GABRB3: variants seen among roughly 807,000 people sequenced by gnomAD.
The protein encoded by GABRB3 is gamma-aminobutyric acid type A receptor subunit beta3.
GABRB3 carries 14 observed loss-of-function variants against 52.1 expected under a neutral mutation model. The ratio of observed to expected loss-of-function variants is 0.27; its 90% CI spans 0.18 to 0.42. The LOEUF (loss-of-function observed/expected upper bound fraction) is 0.42. Ranked by LOEUF, GABRB3 falls within the 10% of genes least tolerant of loss-of-function variation. GABRB3 has a pLI of 1.00. For missense variants in GABRB3, 307 were observed against 609.1 expected, an observed-to-expected ratio of 0.50 and a Z score of 5.22; for synonymous variants, 260 against 232.3, an observed-to-expected ratio of 1.12 and a Z score of -1.08.
chr15:26,701,031 G>A (rs1397078477), intron 3 of GABRB3, among the ~76,000 whole-genome samples: 1 of 151,192 alleles, frequency 6.6e-6, no homozygotes, highest in Non-Finnish European at 1.5e-5. Flanking sequence ...CTCCAGCCTG[G>A]GAGACAGAGC....
rs556911439 is a variant in GABRB3 at position 26,595,471 on chromosome 15, CTTT to C, written c.462-12060_462-12058del. Among the ~76,000 whole-genome samples, 807 of 152,216 alleles carry C rather than the reference CTTT, an allele frequency of 5.3e-3. 5 individuals are homozygous for C. Among genetic ancestry groups the C allele is most frequent in the African/African-American group, 0.018 (753 of 41,532 alleles). On this transcript the variant is annotated intron_variant, in intron 4 of 8. Transcript: ENST00000311550. ...AACTTTCCTATTGTTTTTAATATAG[CTTT>C]TTTCTTGATTGGGCATTTGACTGGT...
intron 8 of GABRB3, among the ~76,000 whole-genome samples, chr15:26,549,152 AAC>A (rs575778421): frequency 6.6e-6 from 1 of 152,146 alleles, no homozygotes; most frequent in Non-Finnish European, 1.5e-5. Context: ...TCTTTCACAA[AAC>A]ACAGTTATTT....
chr15:26,770,339 G>C (rs561958469), intron 3 of GABRB3, among the ~76,000 whole-genome samples: 1 of 152,244 alleles, frequency 6.6e-6, no homozygotes, highest in African/African-American at 2.4e-5. Flanking sequence ...ATGCGTACAA[G>C]TATATTTTGG....
chr15:26,730,440 G>T (rs1053747949), intron 3 of GABRB3, among the ~76,000 whole-genome samples: 6 of 109,210 alleles, frequency 5.5e-5, no homozygotes, highest in East Asian at 5.8e-4. Flanking sequence ...AAAAAAAAAA[G>T]ACTTACAGGA....
At chr15:26,625,565 A>C (rs1357723857) in intron 3 of GABRB3, 1 of 864,208 alleles carries the variant, frequency 1.2e-6, no homozygotes, top group Non-Finnish European at 1.4e-6. Flanking sequence ...TTGAGACTTT[A>C]AAAGCTCCAA....
chr15:26,763,289 C>CAAG (rs1890870490), intron 3 of GABRB3, among the ~76,000 whole-genome samples: 2 of 152,098 alleles, frequency 1.3e-5, no homozygotes, highest in South Asian at 4.1e-4. Context: ...TCACAGGGAT[C>CAAG]TTCATGTTTA....
intron 3 of GABRB3, among the ~76,000 whole-genome samples, chr15:26,740,139 C>T (rs1336448361): frequency 6.6e-6 from 1 of 152,134 alleles, no homozygotes; most frequent in Non-Finnish European, 1.5e-5. Flanking sequence ...CTTGAGATCC[C>T]CCCACCATCC....
chr15:26,710,821 A>G (rs563952394), intron 3 of GABRB3, among the ~76,000 whole-genome samples: 1 of 151,888 alleles, frequency 6.6e-6, no homozygotes, highest in African/African-American at 2.4e-5. Context: ...TATATACTGG[A>G]CAGATATGTA....
In GABRB3 at chr15:26,773,017, G is replaced by T. The variant is rs576071277; in HGVS notation, c.-55C>A. 4 of 1,239,408 alleles carry T rather than the reference G, an allele frequency of 3.2e-6. No individual in the cohort carries two copies. In the East Asian group the frequency reaches 1.7e-4, roughly 53 times the overall value. The allele number at this position is 1,239,408 out of a possible 1,614,324, so 76.8% of individuals were successfully genotyped here. On this transcript the variant is annotated 5_prime_UTR_variant, in exon 1 of 9. Transcript: ENST00000311550. ...GGGCGCCCCGCCGCCGTCGCGACCC[G>T]CAGCCGGGGCTGCTCCTGCTGCTGC...
Position 26,760,809 on chromosome 15 carries a change from G to GCACACACACACACACACACA in GABRB3, c.240+11592_240+11593insTGTGTGTGTGTGTGTGTGTG, listed in dbSNP as rs10522762. Among the ~76,000 whole-genome samples, 750 of 149,380 alleles carry GCACACACACACACACACACA rather than the reference G, an allele frequency of 5.0e-3. 3 individuals carry two copies. The highest frequency in any genetic ancestry group is 0.02 in the South Asian group (92 of 4,690). The stretch of plus-strand genomic sequence containing the variant: ...AATGCCAACACACACACACGCGCAC[G>GCACACACACACACACACACA]CACACACACACACACACAAGCAAAC... On this transcript the variant is annotated intron_variant, in intron 3 of 8. Transcript: ENST00000311550.
chr15:26,626,254 C>T (rs1044161597), intron 3 of GABRB3, among the ~76,000 whole-genome samples: 1 of 152,138 alleles, frequency 6.6e-6, no homozygotes, highest in Non-Finnish European at 1.5e-5. Flanking sequence ...GTTGTGTGTC[C>T]TCTGACTGAT....
rs548775630 is a variant in GABRB3, at chr15:26,773,040, T to TGCC, written c.-81_-79dup. On this transcript the variant is annotated 5_prime_UTR_variant, in exon 1 of 9. Transcript: ENST00000311550. Reference sequence around the variant, plus strand: ...CCGCAGCCGGGGCTGCTCCTGCTGCTGCCGCCGCCGCCGCCGCCGCCGCGC... The same window carrying TGCC: ...CCGCAGCCGGGGCTGCTCCTGCTGCTGCCGCCGCCGCCGCCGCCGCCGCCGCGC... 1.7e-5 allele frequency: 17 copies of TGCC among 1,004,250 alleles called. No homozygotes were observed. The highest frequency in any genetic ancestry group is 1.6e-4 in the Admixed American group (3 of 18,244). 62.2% of individuals were successfully genotyped at this position (1,004,250 alleles called of 1,614,324 possible).
chr15:26,571,035 A>G (rs1163073225), intron 6 of GABRB3, among the ~76,000 whole-genome samples: 3 of 152,186 alleles, frequency 2.0e-5, no homozygotes. Context: ...GTTGAGCTTA[A>G]TACACAAAAG....
At chr15:26,664,700 C>CTTTT in intron 3 of GABRB3, among the ~76,000 whole-genome samples, 1 of 92,784 alleles carries the variant, frequency 1.1e-5, no homozygotes, top group Admixed American at 1.2e-4. Context: ...CTTTTCTTTT[C>CTTTT]TTTGTTTTTT....
At chr15:26,586,397 A>AACTAACACACACACACACACAC (rs1890985765) in intron 4 of GABRB3, among the ~76,000 whole-genome samples, 1 of 138,014 alleles carries the variant, frequency 7.2e-6, no homozygotes, top group African/African-American at 2.7e-5. Context: ...AACCACCCCT[A>AACTAACACACACACACACACAC]ACACACACAC....
At chr15:26,576,038 C>T (rs1567121708) in intron 6 of GABRB3, among the ~76,000 whole-genome samples, 1 of 152,174 alleles carries the variant, frequency 6.6e-6, no homozygotes, top group Non-Finnish European at 1.5e-5. Flanking sequence ...TGCTGGTGAG[C>T]GGGACACATT....
At chr15:26,649,606 G>A (rs1191415561) in intron 3 of GABRB3, among the ~76,000 whole-genome samples, 3 of 151,188 alleles carry the variant, frequency 2.0e-5, no homozygotes, top group Admixed American at 1.3e-4. Context: ...GAGCTGATGA[G>A]GAGAAAGGAA....
intron 3 of GABRB3, among the ~76,000 whole-genome samples, chr15:26,733,211 C>T (rs970808789): frequency 6.6e-6 from 1 of 152,084 alleles, no homozygotes; most frequent in Admixed American, 6.6e-5. Context: ...AAGTAAAATT[C>T]TCTCCCTTTA....
At chr15:26,744,680 C>T (rs944038350) in intron 3 of GABRB3, among the ~76,000 whole-genome samples, 1 of 152,188 alleles carries the variant, frequency 6.6e-6, no homozygotes, top group African/African-American at 2.4e-5. Context: ...CCCACCTCGG[C>T]CTCCCAAAGT....
Sources: allele counts gnomAD v4.1 joint callset (sites outside exome capture counted in the v4.1 genomes callset), GRCh38; gene constraint gnomAD v4.1.1; transcripts MANE v1.5; gene names NCBI Gene and HGNC (gene_info 2026-07-23, HGNC 2026-07-21).